CPQ: variants seen among roughly 807,000 people sequenced by gnomAD.
CPQ encodes Ser-Met dipeptidase.
Under a neutral mutation model 45.7 loss-of-function variants are expected in CPQ, and 37 were observed. The ratio of observed to expected loss-of-function variants is 0.81; its 90% CI spans 0.62 to 1.07. CPQ has a LOEUF of 1.07. Among genes scored for constraint, CPQ ranks in the 50% least tolerant of loss-of-function variants. The pLI is 0.00. For synonymous variants in CPQ, 186 were observed against 205.8 expected (o/e 0.90, Z 0.82); for missense variants, 537 against 572.9 (o/e 0.94, Z 0.64).
chr8:96,890,289 CACA>C (rs1195703190), intron 4 of CPQ, among the ~76,000 whole-genome samples: 1 of 152,204 alleles, frequency 6.6e-6, no homozygotes. Flanking sequence ...AGGAAATATT[CACA>C]ACAATTACAG....
intron 7 of CPQ, among the ~76,000 whole-genome samples, chr8:97,081,838 T>C (rs530777381): frequency 9.9e-5 from 15 of 152,182 alleles, no homozygotes; most frequent in Non-Finnish European, 8.8e-5. Flanking sequence ...TCTACTACTT[T>C]TTAGCTGTGT....
chr8:97,006,277 C>G (rs1809379868), intron 5 of CPQ, among the ~76,000 whole-genome samples: 1 of 152,066 alleles, frequency 6.6e-6, no homozygotes, highest in South Asian at 2.1e-4. Context: ...GTGAAAGAAT[C>G]TGAAAGTTGA....
chr8:96,977,830 T>C (rs1457788864), intron 5 of CPQ, among the ~76,000 whole-genome samples: 1 of 152,104 alleles, frequency 6.6e-6, no homozygotes, highest in Non-Finnish European at 1.5e-5. Flanking sequence ...AGGGAAAGGA[T>C]GGGGGACAGC....
intron 2 of CPQ, among the ~76,000 whole-genome samples, chr8:96,833,349 A>G (rs1125407): frequency 0.57 from 86,593 of 152,062 alleles, 26,031 homozygotes; most frequent in East Asian, 0.88. Flanking sequence ...ATAGACCATA[A>G]TGAAGTACCA....
chr8:96,879,097 T>C (rs1363194536), intron 3 of CPQ, among the ~76,000 whole-genome samples: 1 of 152,192 alleles, frequency 6.6e-6, no homozygotes, highest in Non-Finnish European at 1.5e-5. Context: ...ATTATAAGTG[T>C]TTCTATGAAT....
chr8:96,882,922 T>C (rs946666228), intron 4 of CPQ, among the ~76,000 whole-genome samples: 3 of 152,218 alleles, frequency 2.0e-5, no homozygotes, highest in African/African-American at 7.2e-5. Context: ...AGTTCCTTTG[T>C]AGTCCATCTC....
At chr8:96,656,501 G>T (rs538249352) in intron 1 of CPQ, among the ~76,000 whole-genome samples, 1 of 152,232 alleles carries the variant, frequency 6.6e-6, no homozygotes, top group South Asian at 2.1e-4. Flanking sequence ...GATGGATGGG[G>T]TCTGGAGTAT....
At chr8:96,682,554 C>A (rs998308204) in intron 1 of CPQ, among the ~76,000 whole-genome samples, 8 of 152,158 alleles carry the variant, frequency 5.3e-5, no homozygotes, top group Non-Finnish European at 8.8e-5. Flanking sequence ...AATACACCAA[C>A]TATTGTTGTA....
chr8:97,074,937 A>G (rs751627182), intron 7 of CPQ, among the ~76,000 whole-genome samples: 4 of 152,174 alleles, frequency 2.6e-5, no homozygotes, highest in Non-Finnish European at 5.9e-5. Context: ...TCTAGGCCAG[A>G]TGAAAAAGAG....
At chr8:96,857,017 A>G (rs1269624972) in intron 3 of CPQ, among the ~76,000 whole-genome samples, 1 of 152,176 alleles carries the variant, frequency 6.6e-6, no homozygotes, top group African/African-American at 2.4e-5. Flanking sequence ...GTGACCTGCT[A>G]GGGAAATTGT....
chr8:96,645,628 C>G (rs1052195505), intron 1 of CPQ, among the ~76,000 whole-genome samples: 5 of 152,130 alleles, frequency 3.3e-5, no homozygotes, highest in African/African-American at 1.2e-4. Context: ...GTCACCGAGC[C>G]TAGAAATGGG....
chr8:97,096,007 T>C (rs929523476), intron 7 of CPQ, among the ~76,000 whole-genome samples: 4 of 152,138 alleles, frequency 2.6e-5, no homozygotes, highest in East Asian at 1.9e-4. Flanking sequence ...CTGTTTAAAA[T>C]AACAAAGACC....
chr8:96,981,682 G>A (rs1387133758), intron 5 of CPQ, among the ~76,000 whole-genome samples: 1 of 152,120 alleles, frequency 6.6e-6, no homozygotes, highest in Non-Finnish European at 1.5e-5. Context: ...AAAAAACAAT[G>A]GTTAAACTTA....
At chr8:96,908,913 G>T (rs1466600481) in intron 4 of CPQ, among the ~76,000 whole-genome samples, 1 of 152,100 alleles carries the variant, frequency 6.6e-6, no homozygotes, top group Non-Finnish European at 1.5e-5. Context: ...CCCTCAGCCT[G>T]CCCCATCACC....
intron 1 of CPQ, among the ~76,000 whole-genome samples, chr8:96,694,699 A>T (rs1809348500): frequency 6.6e-6 from 1 of 152,140 alleles, no homozygotes; most frequent in Non-Finnish European, 1.5e-5. Context: ...AAATTAGGAA[A>T]TTAAAAAAAA....
At chr8:96,813,689 G>A (rs1811186951) in intron 2 of CPQ, among the ~76,000 whole-genome samples, 1 of 152,088 alleles carries the variant, frequency 6.6e-6, no homozygotes, top group Non-Finnish European at 1.5e-5. Context: ...AGAGAGGGCT[G>A]GAGGTGGGAA....
chr8:96,696,568 G>A (rs1809387470), intron 1 of CPQ, among the ~76,000 whole-genome samples: 1 of 151,612 alleles, frequency 6.6e-6, no homozygotes, highest in Non-Finnish European at 1.5e-5. Flanking sequence ...TAGTACAAAA[G>A]ATCAATGAAG....
intron 6 of CPQ, among the ~76,000 whole-genome samples, chr8:97,042,400 C>A (rs1360804839): frequency 2.0e-5 from 3 of 152,010 alleles, no homozygotes; most frequent in Non-Finnish European, 2.9e-5. Context: ...GTCTTGCTAG[C>A]AGTCTATCAA....
chr8:96,803,359 C>G (rs1055654044), intron 2 of CPQ, among the ~76,000 whole-genome samples: 10 of 152,200 alleles, frequency 6.6e-5, no homozygotes, highest in Non-Finnish European at 1.0e-4. Flanking sequence ...AGACTGAAGA[C>G]AGAGTCCAGA....
Sources: gnomAD v4.1 joint callset for allele counts (sites outside exome capture counted in the v4.1 genomes callset) on GRCh38, gnomAD v4.1.1 for gene constraint, MANE v1.5 for transcripts, NCBI Gene and HGNC (gene_info 2026-07-23, HGNC 2026-07-21) for gene names.